SLC9A9: variants seen among roughly 807,000 people sequenced by gnomAD.
The protein encoded by SLC9A9 is sodium/hydrogen exchanger 9.
SLC9A9 carries 62 observed loss-of-function variants against 77.8 expected under a neutral mutation model. The ratio of observed to expected loss-of-function variants is 0.80; its 90% confidence interval spans 0.65 to 0.98. The LOEUF is 0.98. Ranked by LOEUF, SLC9A9 falls within the 50% of genes least tolerant of loss-of-function variation. SLC9A9 has a pLI of 0.00. For missense variants in SLC9A9, 775 were observed against 774.9 expected, an observed-to-expected ratio of 1.00 and a Z score of 0.00; for synonymous variants, 320 against 283.5, an observed-to-expected ratio of 1.13 and a Z score of -1.29.
At chr3:143,439,885 C>T (rs1486120060) in intron 12 of SLC9A9, among the ~76,000 whole-genome samples, 1 of 151,966 alleles carries the variant, frequency 6.6e-6, no homozygotes, top group Non-Finnish European at 1.5e-5. Context: ...AGAGGTGGCC[C>T]TTCTAAAGCT....
At chr3:143,530,032 T>A (rs1447763787) in intron 9 of SLC9A9, among the ~76,000 whole-genome samples, 1 of 152,164 alleles carries the variant, frequency 6.6e-6, no homozygotes, top group Non-Finnish European at 1.5e-5. Context: ...CAGCCTACCA[T>A]CCAGTTTTAG....
intron 4 of SLC9A9, among the ~76,000 whole-genome samples, chr3:143,723,319 T>A (rs1934552183): frequency 6.6e-6 from 1 of 152,126 alleles, no homozygotes; most frequent in African/African-American, 2.4e-5. Context: ...AAAAATTTGA[T>A]AAGACTTCTG....
intron 9 of SLC9A9, among the ~76,000 whole-genome samples, chr3:143,542,464 G>A (rs1474535677): frequency 6.6e-6 from 1 of 152,128 alleles, no homozygotes; most frequent in East Asian, 1.9e-4. Flanking sequence ...ACTGTGCCTT[G>A]GAACAGGTAA....
At chr3:143,776,558 G>A (rs890812532) in intron 4 of SLC9A9, among the ~76,000 whole-genome samples, 1 of 152,154 alleles carries the variant, frequency 6.6e-6, no homozygotes, top group African/African-American at 2.4e-5. Context: ...AAGTGAGAGA[G>A]TGGGCAATAT....
chr3:143,286,790 A>G (rs1042886288), intron 14 of SLC9A9, among the ~76,000 whole-genome samples: 1 of 152,228 alleles, frequency 6.6e-6, no homozygotes, highest in African/African-American at 2.4e-5. Flanking sequence ...CCCAGGAAGC[A>G]AATAACTCAG....
At chr3:143,740,691 T>C (rs1440579469) in intron 4 of SLC9A9, among the ~76,000 whole-genome samples, 1 of 152,116 alleles carries the variant, frequency 6.6e-6, no homozygotes, top group Non-Finnish European at 1.5e-5. Context: ...GACAAGAGAA[T>C]CTAACTGTAT....
intron 11 of SLC9A9, among the ~76,000 whole-genome samples, chr3:143,482,131 A>G (rs66599925): frequency 0.3 from 44,872 of 152,020 alleles, 6,753 homozygotes; most frequent in East Asian, 0.49. Flanking sequence ...GCTCCACAAA[A>G]CTTGAGTAGC....
intron 14 of SLC9A9, among the ~76,000 whole-genome samples, chr3:143,334,012 TTTTGTATTTG>T (rs1467024253): frequency 6.6e-6 from 1 of 152,236 alleles, no homozygotes; most frequent in African/African-American, 2.4e-5. Flanking sequence ...CTTTTATTAA[TTTTGTATTTG>T]AAAAAATAAT....
chr3:143,305,589 A>C (rs1212076436), intron 14 of SLC9A9, among the ~76,000 whole-genome samples: 1 of 152,226 alleles, frequency 6.6e-6, no homozygotes, highest in Non-Finnish European at 1.5e-5. Context: ...CTGTGCTGGA[A>C]GTGAGTTGAC....
intron 5 of SLC9A9, among the ~76,000 whole-genome samples, chr3:143,660,523 T>G (rs2038962542): frequency 6.6e-6 from 1 of 152,234 alleles, no homozygotes; most frequent in South Asian, 2.1e-4. Flanking sequence ...GATTTTCACC[T>G]TGTGAGACTC....
chr3:143,630,361 T>C (rs2038401962), intron 6 of SLC9A9, among the ~76,000 whole-genome samples: 1 of 152,206 alleles, frequency 6.6e-6, no homozygotes, highest in Non-Finnish European at 1.5e-5. Flanking sequence ...GCTCTAGCAA[T>C]GTAACCACCT....
intron 5 of SLC9A9, among the ~76,000 whole-genome samples, chr3:143,671,338 G>C (rs755543816): frequency 2.0e-5 from 3 of 151,984 alleles, no homozygotes; most frequent in Non-Finnish European, 4.4e-5. Context: ...TTAGTGTTTA[G>C]TATCTAGCAA....
chr3:143,790,310 C>T (rs1048146389), intron 4 of SLC9A9, among the ~76,000 whole-genome samples: 2 of 152,200 alleles, frequency 1.3e-5, no homozygotes, highest in African/African-American at 2.4e-5. Flanking sequence ...TGGACTAATA[C>T]ATTAAGCAAG....
intron 6 of SLC9A9, among the ~76,000 whole-genome samples, chr3:143,593,668 G>A (rs1426672078): frequency 6.6e-6 from 1 of 152,208 alleles, no homozygotes; most frequent in Non-Finnish European, 1.5e-5. Flanking sequence ...AAGGAAAAGA[G>A]AAAGAGGGAG....
At chr3:143,827,691 T>C (rs1015495072) in intron 2 of SLC9A9, among the ~76,000 whole-genome samples, 6 of 152,228 alleles carry the variant, frequency 3.9e-5, no homozygotes, top group Non-Finnish European at 8.8e-5. Flanking sequence ...GGCCATTACA[T>C]AGCACAAGAA....
At chr3:143,812,734 G>A (rs1164284559) in intron 2 of SLC9A9, among the ~76,000 whole-genome samples, 1 of 152,130 alleles carries the variant, frequency 6.6e-6, no homozygotes, top group Non-Finnish European at 1.5e-5. Context: ...GCATTCGGCA[G>A]CGGTTATGAA....
intron 14 of SLC9A9, among the ~76,000 whole-genome samples, chr3:143,280,210 C>T (rs1938175237): frequency 6.7e-6 from 1 of 149,028 alleles, no homozygotes; most frequent in African/African-American, 2.6e-5. Flanking sequence ...GGACTCCTGG[C>T]CATTTAGCAA....
chr3:143,615,654 G>A lies in SLC9A9; in HGVS notation c.755+36601C>T, dbSNP rs78273313. Among the ~76,000 whole-genome samples the A allele has an allele frequency of 3.0e-3, 454 of 152,202 alleles. 2 individuals are homozygous for A. The highest frequency in any genetic ancestry group is 9.3e-3 in the African/African-American group (385 of 41,518). On this transcript the variant is annotated intron_variant, in intron 6 of 15. Transcript: ENST00000316549. Reference sequence around the variant, plus strand: ...CAATAACTCAGAGTCAATAATAATAGCAAAATAAATGTAGCAAGTATCATT... The same window carrying A: ...CAATAACTCAGAGTCAATAATAATAACAAAATAAATGTAGCAAGTATCATT...
chr3:143,743,535 C>G (rs1935134959), intron 4 of SLC9A9, among the ~76,000 whole-genome samples: 1 of 152,010 alleles, frequency 6.6e-6, no homozygotes, highest in Non-Finnish European at 1.5e-5. Context: ...GAAGAGTGTT[C>G]CAACTTCAGG....
Sources: gnomAD v4.1 joint callset for allele counts (sites outside exome capture counted in the v4.1 genomes callset) on GRCh38, gnomAD v4.1.1 for gene constraint, MANE v1.5 for transcripts, NCBI Gene and HGNC (gene_info 2026-07-23, HGNC 2026-07-21) for gene names.